MTUS2: variants seen among roughly 807,000 people sequenced by gnomAD.
MTUS2 encodes microtubule-associated tumor suppressor candidate 2.
In MTUS2, 40 loss-of-function variants were observed where a neutral mutation model predicts 114.1. The observed-to-expected ratio is 0.35, with a 90% CI of 0.27 to 0.46. The LOEUF is 0.46. Among genes scored for constraint, MTUS2 ranks in the 20% least tolerant of loss-of-function variants. The pLI is 1.00. For synonymous variants in MTUS2, 688 were observed against 672.0 expected, an observed-to-expected ratio of 1.02 and a Z score of -0.37; for missense variants, 1,679 against 1,705.4, an observed-to-expected ratio of 0.98 and a Z score of 0.27.
chr13:29,209,539 T>G (rs1306501151), intron 5 of MTUS2, among the ~76,000 whole-genome samples: 1 of 152,124 alleles, frequency 6.6e-6, no homozygotes, highest in African/African-American at 2.4e-5. Context: ...GTGAGTTTTA[T>G]GCTTTAAGGG....
At chr13:29,439,324 A>C (rs1215349057) in intron 8 of MTUS2, among the ~76,000 whole-genome samples, 4 of 152,218 alleles carry the variant, frequency 2.6e-5, no homozygotes, top group Non-Finnish European at 4.4e-5. Context: ...TTGATTTGAA[A>C]ACAACTTAGC....
intron 2 of MTUS2, among the ~76,000 whole-genome samples, chr13:29,008,372 T>C (rs1487076233): frequency 2.6e-5 from 4 of 152,138 alleles, no homozygotes; most frequent in Non-Finnish European, 5.9e-5. Flanking sequence ...GGACCATCAG[T>C]CACATTTTTC....
At chr13:29,440,103 G>T in intron 9 of MTUS2, 54 bp downstream of exon 9, 1 of 1,516,830 alleles carries the variant, frequency 6.6e-7, no homozygotes, top group East Asian at 2.4e-5. Context: ...CCTGATTCCT[G>T]TGAATGTGTA....
intron 2 of MTUS2, among the ~76,000 whole-genome samples, chr13:28,961,441 T>A: frequency 6.6e-6 from 1 of 152,294 alleles, no homozygotes; most frequent in Non-Finnish European, 1.5e-5. Flanking sequence ...GGATTTCTCA[T>A]CAGAAAGTGT....
intron 2 of MTUS2, among the ~76,000 whole-genome samples, chr13:28,870,805 C>T (rs1317724456): frequency 6.6e-6 from 1 of 152,066 alleles, no homozygotes; most frequent in East Asian, 1.9e-4. Context: ...CTTTGAAATC[C>T]CCCTCTCTTC....
At chr13:29,477,647 C>G (rs1593490299) in intron 9 of MTUS2, among the ~76,000 whole-genome samples, 1 of 152,300 alleles carries the variant, frequency 6.6e-6, no homozygotes, top group East Asian at 1.9e-4. Context: ...GCCTTTCATA[C>G]TAATAATTAT....
chr13:28,898,047 T>TA (rs936745514), intron 2 of MTUS2, among the ~76,000 whole-genome samples: 240 of 150,840 alleles, frequency 1.6e-3, no homozygotes, highest in African/African-American at 4.9e-3. Context: ...ACTTAAAGTA[T>TA]AAAAAAAAAG....
intron 7 of MTUS2, among the ~76,000 whole-genome samples, chr13:29,340,131 G>A (rs529556117): frequency 1.3e-5 from 2 of 152,318 alleles, no homozygotes; most frequent in Non-Finnish European, 2.9e-5. Context: ...GGTGCCTCGC[G>A]GAATTCGGGA....
rs182975525 is a variant in MTUS2, at chr13:29,115,177, G to T, written c.2644+14207G>T. On this transcript the variant is annotated intron_variant, in intron 5 of 15. Coordinates refer to ENST00000612955, the MANE Select transcript of MTUS2 (RefSeq NM_001033602.4). ...AAGAATGTCTAGATCCCATTAATGC[G>T]ATAACTGCCATGAATATGTCTAGTC... Among the ~76,000 whole-genome samples, 28 of 151,504 alleles carry T rather than the reference G, an allele frequency of 1.8e-4. 1 individual carries two copies. In the East Asian group the frequency reaches 3.1e-3, roughly 17 times the overall value.
rs1215045420 is a variant in MTUS2, at chr13:29,025,935, A to G, written c.1237A>G (p.Lys413Glu). The change falls in exon 3 of 16, where the codon AAA becomes GAA. Residue 413 changes from lysine (K) to glutamate (E), a missense_variant. This residue lies in a region of MTUS2 where 843 missense variants were observed against 770.8 expected (regional missense o/e 1.09). Transcript: ENST00000612955. ...AGGGGCTGATAATCAGCCCACTGGC[A>G]AAATTTCACCATGTGCAGGTGAGAA... ...LGGADNQPTGKISPCAGEKLG... is the reference protein window; with the variant it reads ...LGGADNQPTGEISPCAGEKLG... 12 of 1,613,984 alleles carry G rather than the reference A, an allele frequency of 7.4e-6. No individual in the cohort carries two copies. Among genetic ancestry groups the G allele is most frequent in the Non-Finnish European group, 9.3e-6 (11 of 1,179,854 alleles).
intron 7 of MTUS2, among the ~76,000 whole-genome samples, chr13:29,337,838 G>A (rs1045490333): frequency 1.8e-4 from 27 of 151,422 alleles, no homozygotes; most frequent in African/African-American, 6.3e-4. Flanking sequence ...GCCTGGGCTG[G>A]AGTACATTGG....
chr13:28,833,443 A>G (rs564717832), intron 1 of MTUS2, among the ~76,000 whole-genome samples: 13 of 152,170 alleles, frequency 8.5e-5, no homozygotes, highest in Admixed American at 3.3e-4. Flanking sequence ...TATTAATAGA[A>G]TAAAATACAG....
intron 8 of MTUS2, among the ~76,000 whole-genome samples, chr13:29,398,221 G>T (rs752449760): frequency 6.6e-6 from 1 of 152,206 alleles, no homozygotes; most frequent in Non-Finnish European, 1.5e-5. Flanking sequence ...AGCACTTTGG[G>T]CGGCTGAGGC....
chr13:29,102,414 A>G (rs560367422), intron 5 of MTUS2, among the ~76,000 whole-genome samples: 1 of 152,342 alleles, frequency 6.6e-6, no homozygotes, highest in Non-Finnish European at 1.5e-5. Flanking sequence ...ACATGACAGC[A>G]GCTTTTGCTG....
At chr13:29,287,509 G>A (rs1200240519) in intron 6 of MTUS2, among the ~76,000 whole-genome samples, 1 of 73,184 alleles carries the variant, frequency 1.4e-5, no homozygotes, top group Non-Finnish European at 2.8e-5. Flanking sequence ...TATGTGTGTG[G>A]TGTGTGTGTG....
chr13:29,124,834 A>G (rs1891450859), intron 5 of MTUS2, among the ~76,000 whole-genome samples: 1 of 152,244 alleles, frequency 6.6e-6, no homozygotes, highest in Non-Finnish European at 1.5e-5. Context: ...CCAGACACAA[A>G]GGACAAATAA....
chr13:28,912,984 G>A (rs569391770), intron 2 of MTUS2, among the ~76,000 whole-genome samples: 2 of 152,182 alleles, frequency 1.3e-5, no homozygotes, highest in Non-Finnish European at 2.9e-5. Flanking sequence ...CTTTGCTGAA[G>A]TTGCTTATCA....
intron 5 of MTUS2, among the ~76,000 whole-genome samples, chr13:29,272,689 C>T (rs1897921896): frequency 6.6e-6 from 1 of 152,202 alleles, no homozygotes; most frequent in African/African-American, 2.4e-5. Flanking sequence ...AAACTACCTT[C>T]CTCCCCACAG....
At chr13:29,222,497 C>A (rs1231503044) in intron 5 of MTUS2, among the ~76,000 whole-genome samples, 2 of 152,164 alleles carry the variant, frequency 1.3e-5, no homozygotes, top group Admixed American at 6.5e-5. Context: ...TATTTATGAT[C>A]TTTTCTTTTT....
Sources: allele counts gnomAD v4.1 joint callset (sites outside exome capture counted in the v4.1 genomes callset), GRCh38; gene constraint gnomAD v4.1.1; regional missense constraint gnomAD v4.1.1; transcripts MANE v1.5; gene names NCBI Gene and HGNC (gene_info 2026-07-23, HGNC 2026-07-21).